Variants in GRM7 observed in about 807,000 individuals in gnomAD.
GRM7 encodes the protein glutamate metabotropic receptor 7.
A neutral mutation model predicts 84.5 loss-of-function variants in GRM7; 35 were observed. The ratio of observed to expected loss-of-function variants is 0.41; its 90% CI spans 0.32 to 0.55. The LOEUF is 0.55. GRM7 is among the 20% of genes least tolerant of loss of function. The pLI is 0.19. For missense variants in GRM7, 1,003 were observed against 1,194.6 expected (o/e 0.84, Z 2.36); for synonymous variants, 487 against 455.1 (o/e 1.07, Z -0.89).
At chr3:6,917,369 A>AG (rs1696975769) in intron 1 of GRM7, among the ~76,000 whole-genome samples, 1 of 151,810 alleles carries the variant, frequency 6.6e-6, no homozygotes, top group African/African-American at 2.4e-5. Flanking sequence ...ATAAGGTTAA[A>AG]TAAAATTTAG....
At chr3:7,677,190 A>C (rs1278977767) in intron 8 of GRM7, among the ~76,000 whole-genome samples, 1 of 145,430 alleles carries the variant, frequency 6.9e-6, no homozygotes, top group African/African-American at 2.5e-5. Context: ...TGAACCCGTG[A>C]GGCAGAGGTT....
chr3:7,224,490 T>A (rs1696916490), intron 2 of GRM7, among the ~76,000 whole-genome samples: 2 of 152,176 alleles, frequency 1.3e-5, no homozygotes, highest in African/African-American at 4.8e-5. Flanking sequence ...ACGATATTAC[T>A]GTTGTTCTAG....
intron 8 of GRM7, among the ~76,000 whole-genome samples, chr3:7,579,687 C>T (rs879731558): frequency 6.6e-6 from 1 of 151,794 alleles, no homozygotes; most frequent in Non-Finnish European, 1.5e-5. Flanking sequence ...CTCCACTTAC[C>T]CACATATTTT....
At chr3:7,109,661 G>T (rs142913669) in intron 1 of GRM7, among the ~76,000 whole-genome samples, 132 of 152,104 alleles carry the variant, frequency 8.7e-4, no homozygotes, top group South Asian at 4.2e-3. Flanking sequence ...TTTTCATTTC[G>T]TCCGCTATAG....
At chr3:7,154,455 C>T (rs1694384080) in intron 2 of GRM7, among the ~76,000 whole-genome samples, 1 of 152,160 alleles carries the variant, frequency 6.6e-6, no homozygotes, top group African/African-American at 2.4e-5. Flanking sequence ...TCCTCCTCAT[C>T]TCTTCTGCCT....
intron 2 of GRM7, among the ~76,000 whole-genome samples, chr3:7,162,840 A>G (rs1694676830): frequency 7.5e-6 from 1 of 133,290 alleles, no homozygotes; most frequent in African/African-American, 2.9e-5. Flanking sequence ...GTTCGCTGCA[A>G]CCTCCACCTC....
At chr3:7,663,629 A>C (rs1169986054) in intron 8 of GRM7, among the ~76,000 whole-genome samples, 1 of 152,246 alleles carries the variant, frequency 6.6e-6, no homozygotes, top group Non-Finnish European at 1.5e-5. Context: ...TAAATGTTAT[A>C]CATTGTTAAC....
chr3:7,204,830 A>C (rs2124827490), intron 2 of GRM7, among the ~76,000 whole-genome samples: 1 of 152,338 alleles, frequency 6.6e-6, no homozygotes, highest in South Asian at 2.1e-4. Context: ...CTCACATTAA[A>C]AATAGCTTTG....
At chr3:7,625,043 G>A (rs1697542370) in intron 8 of GRM7, among the ~76,000 whole-genome samples, 1 of 152,142 alleles carries the variant, frequency 6.6e-6, no homozygotes, top group Non-Finnish European at 1.5e-5. Flanking sequence ...CAGCAGCCGC[G>A]TTGGTATTTG....
intron 1 of GRM7, among the ~76,000 whole-genome samples, chr3:7,013,543 T>C (rs929844657): frequency 1.3e-5 from 2 of 152,242 alleles, no homozygotes; most frequent in African/African-American, 2.4e-5. Flanking sequence ...GTTCACATAT[T>C]CTTAATGCTT....
chr3:7,538,695 C>T (rs2125013083), intron 7 of GRM7, among the ~76,000 whole-genome samples: 1 of 149,910 alleles, frequency 6.7e-6, no homozygotes, highest in Middle Eastern at 3.4e-3. Flanking sequence ...TGCTGTACCA[C>T]AGCCACCAAA....
intron 9 of GRM7, among the ~76,000 whole-genome samples, chr3:7,693,018 T>A (rs1700867457): frequency 6.6e-6 from 1 of 151,764 alleles, no homozygotes; most frequent in Non-Finnish European, 1.5e-5. Context: ...GACCACTGGA[T>A]ATAATTTCAC....
intron 1 of GRM7, among the ~76,000 whole-genome samples, chr3:6,987,062 G>A (rs1216797273): frequency 1.3e-5 from 2 of 152,016 alleles, no homozygotes; most frequent in African/African-American, 2.4e-5. Context: ...TCCCTTTCTT[G>A]CCTAGTTTCT....
chr3:7,144,552 T>C (rs929577816), intron 1 of GRM7, among the ~76,000 whole-genome samples: 1 of 152,174 alleles, frequency 6.6e-6, no homozygotes, highest in Non-Finnish European at 1.5e-5. Flanking sequence ...TCGATAACTT[T>C]AGTAAGGAAA....
intron 6 of GRM7, among the ~76,000 whole-genome samples, chr3:7,455,461 G>GA (rs1559335009): frequency 6.6e-5 from 10 of 152,102 alleles, no homozygotes; most frequent in Admixed American, 2.0e-4. Flanking sequence ...TAATCAAGGT[G>GA]GACATCATCA....
intron 4 of GRM7, among the ~76,000 whole-genome samples, chr3:7,390,162 A>C (rs1694935433): frequency 6.6e-6 from 1 of 152,072 alleles, no homozygotes; most frequent in Non-Finnish European, 1.5e-5. Flanking sequence ...TTTTTCTTTA[A>C]GAATGCTAAA....
chr3:7,584,383 C>CT (rs1695413428), intron 8 of GRM7, among the ~76,000 whole-genome samples: 1 of 152,156 alleles, frequency 6.6e-6, no homozygotes, highest in East Asian at 1.9e-4. Flanking sequence ...GAAATATTGA[C>CT]TTATGTGCCT....
At chr3:7,370,615 A>G (rs914105957) in intron 4 of GRM7, among the ~76,000 whole-genome samples, 5 of 152,276 alleles carry the variant, frequency 3.3e-5, no homozygotes, top group South Asian at 2.1e-4. Flanking sequence ...GGACTAATAC[A>G]AAAGGAAATG....
At chr3:7,024,696 G>T (rs1575143261) in intron 1 of GRM7, among the ~76,000 whole-genome samples, 1 of 152,290 alleles carries the variant, frequency 6.6e-6, no homozygotes, top group East Asian at 1.9e-4. Context: ...AACAAGAGTT[G>T]AGCCTAGAAG....
Sources: gnomAD v4.1 joint callset for allele counts (sites outside exome capture counted in the v4.1 genomes callset) on GRCh38, gnomAD v4.1.1 for gene constraint, MANE v1.5 for transcripts, NCBI Gene and HGNC (gene_info 2026-07-23, HGNC 2026-07-21) for gene names.